VAV1: variants seen among roughly 807,000 people sequenced by gnomAD.
VAV1 encodes the protein proto-oncogene vav.
VAV1 carries 33 observed loss-of-function variants against 128.1 expected under a neutral mutation model. The observed-to-expected ratio is 0.26, with a 90% confidence interval of 0.20 to 0.34. The LOEUF is 0.34. Ranked by LOEUF, VAV1 falls within the 10% of genes least tolerant of loss-of-function variation. VAV1 has a pLI of 1.00. For missense variants in VAV1, 715 were observed against 1,093.7 expected, an observed-to-expected ratio of 0.65 and a Z score of 4.88; for synonymous variants, 394 against 409.8, an observed-to-expected ratio of 0.96 and a Z score of 0.47.
intron 1 of VAV1, among the ~76,000 whole-genome samples, chr19:6,794,642 T>C (rs1044565287): frequency 7.2e-5 from 11 of 152,172 alleles, no homozygotes; most frequent in Admixed American, 2.0e-4. Flanking sequence ...ACCCACTATG[T>C]TCAGGTGTTG....
At chr19:6,853,176 C>A in intron 25 of VAV1, 97 bp downstream of exon 25, 1 of 999,958 alleles carries the variant, frequency 1.0e-6, no homozygotes, top group Non-Finnish European at 1.5e-6. Context: ...AATGGCCTTG[C>A]AGAGGTCATA....
At chr19:6,832,348 C>G in intron 15 of VAV1, 148 bp downstream of exon 15, 1 of 733,656 alleles carries the variant, frequency 1.4e-6, no homozygotes, top group Non-Finnish European at 2.2e-6. Flanking sequence ...AGGGACAGGC[C>G]CAAGGCTGTC....
At position 6,836,432 on chromosome 19, in the gene VAV1, G is replaced by A. The variant is rs774824315; in HGVS notation, c.1778G>A (p.Gly593Asp). ...RAQDKKRNEL[G>D]LPKMEVFQEY... The stretch of plus-strand genomic sequence containing the variant: ...TGTACTCCTGTACCCTGTCCTCCAG[G>A]TCTGCCCAAGATGGAGGTGTTTCAG... Residue 593 changes from glycine to aspartate, a missense_variant and splice_region_variant, in exon 20 of 27, where the codon GGT becomes GAT. Physicochemically the swap from Gly to Asp is moderately conservative, Grantham distance 94. Around this residue, in one of 3 missense-constraint regions of VAV1, gnomAD observed 407 missense variants for 580.6 expected, o/e 0.70. Transcript: ENST00000602142. The A allele has an allele frequency of 3.1e-6, 5 of 1,613,952 alleles. No individual in the cohort carries two copies. The highest frequency in any genetic ancestry group is 4.2e-6 in the Non-Finnish European group (5 of 1,179,944).
At chr19:6,804,662 C>T (rs531996933) in intron 1 of VAV1, among the ~76,000 whole-genome samples, 1 of 151,508 alleles carries the variant, frequency 6.6e-6, no homozygotes, top group African/African-American at 2.4e-5. Flanking sequence ...GGTGTTCTGC[C>T]TGCCTTGGCC....
chr19:6,841,562 C>T (rs1599675229), intron 21 of VAV1, among the ~76,000 whole-genome samples: 1 of 151,366 alleles, frequency 6.6e-6, no homozygotes, highest in Admixed American at 6.6e-5. Flanking sequence ...GCAACCTCCG[C>T]TTCCCAGGTT....
intron 1 of VAV1, among the ~76,000 whole-genome samples, chr19:6,791,573 G>A (rs1482226406): frequency 6.6e-6 from 1 of 152,176 alleles, no homozygotes; most frequent in East Asian, 1.9e-4. Context: ...CCCATCTCAA[G>A]ATCCTTACCT....
chr19:6,806,950 C>A (rs922419694), intron 1 of VAV1, among the ~76,000 whole-genome samples: 1 of 152,206 alleles, frequency 6.6e-6, no homozygotes. Context: ...TCCCAGTCTA[C>A]TGGGATTCCA....
At chr19:6,830,099 G>A (rs559179210) in intron 14 of VAV1, among the ~76,000 whole-genome samples, 181 bp downstream of exon 14, 6 of 152,234 alleles carry the variant, frequency 3.9e-5, no homozygotes, top group South Asian at 2.1e-4. Context: ...TCGCTCTGTC[G>A]CCAGGCCGGA....
intron 22 of VAV1, among the ~76,000 whole-genome samples, chr19:6,846,119 A>G (rs1392689809): frequency 6.7e-6 from 1 of 149,592 alleles, no homozygotes; most frequent in Non-Finnish European, 1.5e-5. Context: ...ATGTATTTTA[A>G]CATACATTTA....
At chr19:6,838,972 G>C (rs962773531) in intron 21 of VAV1, among the ~76,000 whole-genome samples, 1 of 151,814 alleles carries the variant, frequency 6.6e-6, no homozygotes, top group African/African-American at 2.4e-5. Flanking sequence ...GGGTGATCTC[G>C]GCTCATTGCA....
At chr19:6,838,613 A>G (rs1972290864) in intron 21 of VAV1, among the ~76,000 whole-genome samples, 2 of 151,664 alleles carry the variant, frequency 1.3e-5, no homozygotes, top group Non-Finnish European at 2.9e-5. Context: ...ATTTATTATC[A>G]TTTCTCTCTC....
At chr19:6,852,522 C>T (rs1335133452) in intron 24 of VAV1, among the ~76,000 whole-genome samples, 1 of 152,056 alleles carries the variant, frequency 6.6e-6, no homozygotes, top group African/African-American at 2.4e-5. Context: ...GAGATCGAGA[C>T]CATCCTGGCT....
chr19:6,851,078 A>G (rs1972665128), intron 24 of VAV1, among the ~76,000 whole-genome samples: 2 of 151,968 alleles, frequency 1.3e-5, no homozygotes, highest in Non-Finnish European at 2.9e-5. Flanking sequence ...GTGTATTTAA[A>G]TTTTACTTAC....
At chr19:6,850,612 C>A in intron 23 of VAV1, 58 bp from the exon 24 acceptor site, 1 of 1,558,628 alleles carries the variant, frequency 6.4e-7, no homozygotes, top group Non-Finnish European at 8.8e-7. Context: ...ATAACTGGGG[C>A]TTGGTGGGGA....
chr19:6,833,910 C>A lies in VAV1; in HGVS notation c.1734C>A (p.Asp578Glu). ...GCTTTCTTTGTTTCTCCTTCCAGGA[C>A]AAACTACATCGCAGGGCTCAGGACA... is the stretch of plus-strand genomic sequence containing the variant. ...GQDFPGTMKK[D>E]KLHRRAQDKK... is the part of the protein sequence containing the mutation. The change falls in exon 19 of 27, where the codon GAC becomes GAA. Residue 578 changes from aspartate to glutamate, a missense_variant and splice_region_variant. This residue lies in a region of VAV1 where 407 missense variants were observed against 580.6 expected (regional missense o/e 0.70). Coordinates refer to ENST00000602142, the MANE Select transcript of VAV1 (RefSeq NM_005428.4). The A allele has an allele frequency of 6.2e-7, 1 of 1,614,066 alleles. No individual in the cohort carries two copies. Among genetic ancestry groups the A allele is most frequent in the Non-Finnish European group, 8.5e-7 (1 of 1,180,024 alleles).
chr19:6,856,948 G>T, intron 26 of VAV1, 106 bp from the exon 27 acceptor site: 1 of 901,454 alleles, frequency 1.1e-6, no homozygotes, highest in Non-Finnish European at 1.8e-6. Context: ...ACAGAAGGAA[G>T]AGCAGGTGCA....
chr19:6,829,910 A>G lies in VAV1; in HGVS notation c.1390A>G (p.Asn464Asp). Residue 464 changes from asparagine to aspartate, a missense_variant, in exon 14 of 27, where the codon AAC (asparagine) becomes GAC (aspartate). Around this residue, in one of 3 missense-constraint regions of VAV1, gnomAD observed 407 missense variants for 580.6 expected, o/e 0.70. Coordinates refer to ENST00000602142, the MANE Select transcript of VAV1 (RefSeq NM_005428.4). ...VRDDSSGDRD[N>D]KKWSHMFLLI... ...GGATGACTCTTCAGGAGACCGAGACAACAAGAAGGTGGGGCTTTGACGCCG... is the reference window on the plus strand; with the variant it reads ...GGATGACTCTTCAGGAGACCGAGACGACAAGAAGGTGGGGCTTTGACGCCG... 1 of 1,614,174 alleles carries G rather than the reference A, an allele frequency of 6.2e-7. No individual in the cohort carries two copies. The highest frequency in any genetic ancestry group is 1.1e-5 in the South Asian group (1 of 91,086).
At chr19:6,855,803 AT>A (rs1972782622) in intron 26 of VAV1, among the ~76,000 whole-genome samples, 2 of 6,550 alleles carry the variant, frequency 3.1e-4, no homozygotes, top group Admixed American at 3.6e-3. Flanking sequence ...CCACCCATTC[AT>A]CTATCTATCT....
intron 1 of VAV1, among the ~76,000 whole-genome samples, chr19:6,776,286 A>C (rs1970627627): frequency 1.8e-5 from 1 of 55,194 alleles, no homozygotes; most frequent in South Asian, 8.3e-4. Flanking sequence ...CTATCCACTC[A>C]TCCATCCATC....
Sources: gnomAD v4.1 joint callset for allele counts (sites outside exome capture counted in the v4.1 genomes callset) on GRCh38, gnomAD v4.1.1 for gene constraint, gnomAD v4.1.1 regional missense constraint, MANE v1.5 for transcripts, NCBI Gene and HGNC (gene_info 2026-07-23, HGNC 2026-07-21) for gene names.